CDH12: variants seen among roughly 807,000 people sequenced by gnomAD.
CDH12 encodes cadherin 12, also known as cadherin-12.
CDH12 carries 41 observed loss-of-function variants against 74.1 expected under a neutral mutation model. The ratio of observed to expected loss-of-function variants is 0.55; its 90% CI spans 0.43 to 0.72. The LOEUF (loss-of-function observed/expected upper bound fraction) is 0.72. Among genes scored for constraint, CDH12 ranks in the 30% least tolerant of loss-of-function variants. The pLI is 0.00. For missense variants in CDH12, 945 were observed against 977.2 expected, an observed-to-expected ratio of 0.97 and a Z score of 0.44; for synonymous variants, 399 against 355.0, an observed-to-expected ratio of 1.12 and a Z score of -1.39.
At chr5:22,609,337 A>G (rs1737280534) in intron 1 of CDH12, among the ~76,000 whole-genome samples, 1 of 152,150 alleles carries the variant, frequency 6.6e-6, no homozygotes, top group Non-Finnish European at 1.5e-5. Flanking sequence ...GGGAATCTCT[A>G]CTAATATATA....
chr5:22,351,131 G>A (rs1049830722), intron 3 of CDH12, among the ~76,000 whole-genome samples: 8 of 152,116 alleles, frequency 5.3e-5, no homozygotes, highest in Admixed American at 1.3e-4. Flanking sequence ...CAGCAAAACC[G>A]TGCATATTAT....
intron 6 of CDH12, among the ~76,000 whole-genome samples, chr5:21,933,841 A>T: frequency 6.6e-6 from 1 of 152,172 alleles, no homozygotes; most frequent in East Asian, 1.9e-4. Flanking sequence ...AATTCATTAC[A>T]CATTTGTTCA....
Position 21,805,840 on chromosome 5 carries a change from G to A in CDH12, c.1003-3420C>T, listed in dbSNP as rs537756854. Among the ~76,000 whole-genome samples the A allele has an allele frequency of 5.3e-5, 8 of 152,288 alleles. No individual in the cohort carries two copies. The East Asian group carries it at 1.4e-3, about 26-fold the overall frequency. On this transcript the variant is annotated intron_variant, in intron 9 of 14. Transcript: ENST00000382254. ...TATGATAGACATACATTATTGTGAG[G>A]TTGAACTAATTTATCTCTTGCACAA...
chr5:22,299,791 AT>A lies in CDH12; in HGVS notation c.-332-87149del, dbSNP rs1179977003. On this transcript the variant is annotated intron_variant, in intron 3 of 14. Coordinates refer to ENST00000382254, the MANE Select transcript of CDH12 (RefSeq NM_004061.5). The stretch of plus-strand genomic sequence containing the variant: ...CTTTTGTTGTTTGAAAGACATTTTT[AT>A]TTCCTTCATTCTTATTTTTCTTGAT... Among the ~76,000 whole-genome samples the A allele has an allele frequency of 2.6e-5, 4 of 152,244 alleles. No individual in the cohort carries two copies. In the East Asian group the frequency reaches 7.7e-4, roughly 29 times the overall value.
intron 1 of CDH12, among the ~76,000 whole-genome samples, chr5:22,567,926 A>G (rs1308314134): frequency 3.3e-5 from 5 of 152,216 alleles, no homozygotes; most frequent in Non-Finnish European, 4.4e-5. Flanking sequence ...GTGTGTACCT[A>G]TGGTAACCTT....
chr5:22,346,105 C>CAAAAA (rs5866560), intron 3 of CDH12, among the ~76,000 whole-genome samples: 1 of 101,642 alleles, frequency 9.8e-6, no homozygotes. Flanking sequence ...GACTTCATCT[C>CAAAAA]AAAAAAAAAA....
intron 2 of CDH12, among the ~76,000 whole-genome samples, chr5:22,495,170 G>C (rs1747051728): frequency 6.6e-6 from 1 of 151,960 alleles, no homozygotes; most frequent in Non-Finnish European, 1.5e-5. Context: ...GCATCACTTG[G>C]GGCAAGAGGA....
At chr5:22,088,652 G>T (rs887429654) in intron 4 of CDH12, among the ~76,000 whole-genome samples, 2 of 152,064 alleles carry the variant, frequency 1.3e-5, no homozygotes, top group Non-Finnish European at 2.9e-5. Flanking sequence ...TGTCTCAGGG[G>T]GCATACTTTA....
intron 6 of CDH12, among the ~76,000 whole-genome samples, chr5:21,963,147 T>A (rs1431668593): frequency 2.0e-5 from 3 of 152,060 alleles, no homozygotes; most frequent in African/African-American, 7.2e-5. Context: ...TAGATAGAGA[T>A]TTAATTCTAA....
intron 5 of CDH12, among the ~76,000 whole-genome samples, chr5:22,010,730 G>C (rs1737246991): frequency 6.6e-6 from 1 of 152,054 alleles, no homozygotes; most frequent in African/African-American, 2.4e-5. Flanking sequence ...CTTGCCCTGG[G>C]TCAACAACAT....
intron 1 of CDH12, among the ~76,000 whole-genome samples, chr5:22,743,286 A>ATATATG (rs1339233575): frequency 8.1e-5 from 12 of 147,592 alleles, no homozygotes; most frequent in African/African-American, 3.0e-4. Flanking sequence ...ATATATGTAT[A>ATATATG]TATATGTATA....
chr5:21,994,829 CTG>C (rs1190797146), intron 5 of CDH12, among the ~76,000 whole-genome samples: 1 of 152,116 alleles, frequency 6.6e-6, no homozygotes, highest in Non-Finnish European at 1.5e-5. Context: ...AATCAGTACT[CTG>C]TAAAAACGGA....
intron 3 of CDH12, among the ~76,000 whole-genome samples, chr5:22,292,371 C>T (rs1398875944): frequency 2.4e-5 from 3 of 127,170 alleles, no homozygotes; most frequent in Non-Finnish European, 4.8e-5. Flanking sequence ...CTTATGGCTC[C>T]AAGAAAAGCA....
intron 3 of CDH12, among the ~76,000 whole-genome samples, chr5:22,363,472 G>A (rs1182220548): frequency 1.3e-5 from 2 of 152,134 alleles, no homozygotes; most frequent in Non-Finnish European, 2.9e-5. Flanking sequence ...TGCCTATGAT[G>A]CCTATTAAAC....
Position 22,162,890 on chromosome 5 carries a change from ACTT to A in CDH12, c.-187+49605_-187+49607del, listed in dbSNP as rs1169117990. On this transcript the variant is annotated intron_variant, in intron 4 of 14. Transcript: ENST00000382254. ...TTGTTGGTTCTTTCTCTTCCCTCTG[ACTT>A]TTTTTTTTTTTTTTTTTTTTTGAGA... Among the ~76,000 whole-genome samples, 42 of 100,200 alleles carry A rather than the reference ACTT, an allele frequency of 4.2e-4. 1 individual carries two copies. The highest frequency in any genetic ancestry group is 1.4e-3 in the African/African-American group (40 of 27,776). 65.7% of individuals were successfully genotyped at this position (100,200 alleles called of 152,430 possible).
intron 3 of CDH12, among the ~76,000 whole-genome samples, chr5:22,373,645 C>G (rs766349473): frequency 1.3e-5 from 2 of 152,166 alleles, no homozygotes; most frequent in Non-Finnish European, 2.9e-5. Flanking sequence ...ATAAATGCTC[C>G]CTGAGCAAGC....
intron 3 of CDH12, among the ~76,000 whole-genome samples, chr5:22,396,183 G>A (rs1248041393): frequency 6.6e-6 from 1 of 152,036 alleles, no homozygotes; most frequent in Non-Finnish European, 1.5e-5. Flanking sequence ...TAAGAACCAT[G>A]TAAATATTAT....
At chr5:22,403,045 A>G (rs138324634) in intron 3 of CDH12, among the ~76,000 whole-genome samples, 1 of 152,338 alleles carries the variant, frequency 6.6e-6, no homozygotes, top group African/African-American at 2.4e-5. Flanking sequence ...GCCAACCTTT[A>G]AATAAAGAAG....
intron 11 of CDH12, among the ~76,000 whole-genome samples, chr5:21,765,783 TC>T (rs1371807358): frequency 6.6e-6 from 1 of 152,054 alleles, no homozygotes; most frequent in Non-Finnish European, 1.5e-5. Flanking sequence ...CAGGTTTTGG[TC>T]CCACCTATGG....
Sources: allele counts gnomAD v4.1 joint callset (sites outside exome capture counted in the v4.1 genomes callset), GRCh38; gene constraint gnomAD v4.1.1; transcripts MANE v1.5; gene names NCBI Gene and HGNC (gene_info 2026-07-23, HGNC 2026-07-21).